STAB2: variants seen among roughly 807,000 people sequenced by gnomAD.
The protein encoded by STAB2 is stabilin-2.
STAB2 carries 288 observed loss-of-function variants against 338.1 expected under a neutral mutation model. That is an observed-to-expected ratio of 0.85 (90% CI 0.77 to 0.94). The LOEUF (loss-of-function observed/expected upper bound fraction) is 0.94, where lower values mean the gene tolerates loss of function less well. Among genes scored for constraint, STAB2 ranks in the 40% least tolerant of loss-of-function variants. The probability of loss-of-function intolerance (pLI) is 0.00; values close to 1 mark genes in which losing one functional copy is unlikely to be tolerated. For synonymous variants in STAB2, 1,202 were observed against 1,193.3 expected (o/e 1.01, Z -0.15); for missense variants, 3,141 against 3,210.1 (o/e 0.98, Z 0.52).
intron 2 of STAB2, 148 bp downstream of exon 2, chr12:103,591,178 T>A: frequency 1.0e-6 from 1 of 978,232 alleles, no homozygotes; most frequent in Non-Finnish European, 1.5e-6. Flanking sequence ...AACTTAAGTC[T>A]AAAATATATA....
intron 3 of STAB2, among the ~76,000 whole-genome samples, chr12:103,616,762 C>T (rs1442414892): frequency 1.3e-5 from 2 of 152,170 alleles, no homozygotes; most frequent in African/African-American, 4.8e-5. Context: ...CAGGGCTGGC[C>T]CTGGCTCCCA....
intron 65 of STAB2, among the ~76,000 whole-genome samples, chr12:103,759,954 T>C (rs896366281): frequency 9.2e-5 from 14 of 152,066 alleles, no homozygotes; most frequent in African/African-American, 2.4e-4. Context: ...TTGTGGAAAA[T>C]TGATCAAATA....
chr12:103,765,294 G>C (rs569421520), intron 68 of STAB2, among the ~76,000 whole-genome samples: 11 of 152,186 alleles, frequency 7.2e-5, no homozygotes, highest in Admixed American at 4.6e-4. Context: ...ACCTGAGGCA[G>C]GTGAGAAAGT....
intron 43 of STAB2, 55 bp downstream of exon 43, chr12:103,715,943 T>A (rs1880276161): frequency 1.3e-6 from 2 of 1,581,876 alleles, no homozygotes; most frequent in South Asian, 2.2e-5. Flanking sequence ...CTCCTAGGTC[T>A]TTAGACACAG....
chr12:103,683,351 T>C, intron 26 of STAB2, 51 bp downstream of exon 26: 1 of 1,218,276 alleles, frequency 8.2e-7, no homozygotes, highest in Non-Finnish European at 1.2e-6. Context: ...AAAAAAACAA[T>C]GCTTGAGAAA....
rs200763383 is a variant in STAB2 at position 103,728,971 on chromosome 12, G to A, written c.5058G>A (p.Glu1686=). The change falls in exon 48 of 69, where the codon GAG becomes GAA. Residue 1686 remains glutamate, a synonymous_variant. Coordinates refer to ENST00000388887, the MANE Select transcript of STAB2 (RefSeq NM_017564.10). ...CAAATGCTACTTCCCTCCAAGGAGA[G>A]CCAATAGTCATCTCCGTCTCTCAGG... is the stretch of plus-strand genomic sequence containing the variant. ...LISNATSLQG[E]PIVISVSQST... 15 of 1,613,924 alleles carry A rather than the reference G, an allele frequency of 9.3e-6. No individual in the cohort carries two copies. In the Admixed American group the frequency reaches 2.0e-4, roughly 22 times the overall value.
intron 54 of STAB2, 137 bp from the exon 55 acceptor site, chr12:103,740,493 A>G: frequency 8.2e-7 from 1 of 1,220,630 alleles, no homozygotes. Context: ...ACCTTGGAAA[A>G]AAAAAGTTGG....
chr12:103,752,249 G>GT, intron 60 of STAB2, among the ~76,000 whole-genome samples: 1 of 152,094 alleles, frequency 6.6e-6, no homozygotes, highest in East Asian at 1.9e-4. Flanking sequence ...CAAATTCATT[G>GT]TAAGGTATTT....
At chr12:103,651,541 T>C (rs573926413) in intron 11 of STAB2, among the ~76,000 whole-genome samples, 1 of 152,150 alleles carries the variant, frequency 6.6e-6, no homozygotes, top group South Asian at 2.1e-4. Context: ...CTCCATCTCC[T>C]GACCTCGTGA....
At chr12:103,736,101 T>G (rs77848355) in intron 52 of STAB2, among the ~76,000 whole-genome samples, 2,861 of 152,324 alleles carry the variant, frequency 0.019, 100 homozygotes, top group African/African-American at 0.065. Flanking sequence ...CTAATGGGAT[T>G]ATTTCAACTG....
At chr12:103,746,502 G>A in intron 57 of STAB2, 95 bp from the exon 58 acceptor site, 1 of 1,148,760 alleles carries the variant, frequency 8.7e-7, no homozygotes, top group South Asian at 1.3e-5. Context: ...TATGAACACA[G>A]TGGTCGTCCA....
intron 18 of STAB2, among the ~76,000 whole-genome samples, chr12:103,665,179 T>G (rs920666114): frequency 3.3e-5 from 5 of 152,320 alleles, no homozygotes; most frequent in South Asian, 2.1e-4. Flanking sequence ...TTTGAGTGGG[T>G]TCATCAAAAG....
At chr12:103,636,147 T>G (rs1004874801) in intron 6 of STAB2, among the ~76,000 whole-genome samples, 7 of 151,752 alleles carry the variant, frequency 4.6e-5, no homozygotes, top group Non-Finnish European at 5.9e-5. Flanking sequence ...GCTGCACCCA[T>G]TAACTCGTCA....
At chr12:103,591,717 T>C (rs1245434197) in intron 2 of STAB2, among the ~76,000 whole-genome samples, 1 of 152,180 alleles carries the variant, frequency 6.6e-6, no homozygotes, top group East Asian at 1.9e-4. Flanking sequence ...AAAGATGAAT[T>C]GCAGCATGGT....
chr12:103,594,390 C>T lies in STAB2; in HGVS notation c.216-5C>T. 2 of 1,612,568 alleles carry T rather than the reference C, an allele frequency of 1.2e-6. No homozygotes were observed. Among genetic ancestry groups the T allele is most frequent in the Non-Finnish European group, 1.7e-6 (2 of 1,178,654 alleles). ...TGGGTTAATGTCCTCTCTTTACCCT[C>T]CAAGGTACACCTTTGAGGTCAGAAC... On this transcript the variant is annotated splice_polypyrimidine_tract_variant and splice_region_variant and intron_variant, in intron 2 of 68. Transcript: ENST00000388887.
chr12:103,673,101 T>A (rs1875970334), intron 22 of STAB2, among the ~76,000 whole-genome samples: 1 of 152,196 alleles, frequency 6.6e-6, no homozygotes, highest in South Asian at 2.1e-4. Context: ...CTATTGGTTA[T>A]CATTGGTTTG....
intron 22 of STAB2, among the ~76,000 whole-genome samples, chr12:103,673,232 C>T (rs919087962): frequency 6.6e-6 from 1 of 152,172 alleles, no homozygotes; most frequent in African/African-American, 2.4e-5. Context: ...AGGCTAAACT[C>T]TCCAACCAGG....
rs1593119129 is a variant in STAB2, at chr12:103,594,430, T to C, written c.251T>C (p.Leu84Pro). The change falls in exon 3 of 69, where the codon CTC (leucine) becomes CCC (proline). Residue 84 changes from leucine (L) to proline (P), a missense_variant. Physicochemically the swap from Leu to Pro is moderately conservative, Grantham distance 98. Coordinates refer to ENST00000388887, the MANE Select transcript of STAB2 (RefSeq NM_017564.10). ...GAGGTCAGAACATACTCTCTGTCTC[T>C]CCCCGGATGCCGCCATATTTGTAGG... ...TFEVRTYSLS[L>P]PGCRHICRKD... 1 of 1,613,904 alleles carries C rather than the reference T, an allele frequency of 6.2e-7. No homozygotes were observed. Among genetic ancestry groups the C allele is most frequent in the Non-Finnish European group, 8.5e-7 (1 of 1,179,838 alleles).
intron 3 of STAB2, among the ~76,000 whole-genome samples, chr12:103,595,156 A>C (rs1956856787): frequency 6.6e-6 from 1 of 152,184 alleles, no homozygotes; most frequent in East Asian, 1.9e-4. Context: ...TATCCTTAGT[A>C]TAGATACTAA....
Sources: gnomAD v4.1 joint callset for allele counts (sites outside exome capture counted in the v4.1 genomes callset) on GRCh38, gnomAD v4.1.1 for gene constraint, MANE v1.5 for transcripts, NCBI Gene and HGNC (gene_info 2026-07-23, HGNC 2026-07-21) for gene names.